The following MMP24 variants were observed in gnomAD, a reference collection of about 807,000 sequenced individuals.
The protein encoded by MMP24 is matrix metallopeptidase 24.
A neutral mutation model predicts 62.8 loss-of-function variants in MMP24; 25 were observed. The observed-to-expected ratio is 0.40, with a 90% CI of 0.29 to 0.56. MMP24 has a LOEUF of 0.56. Among genes scored for constraint, MMP24 ranks in the 20% least tolerant of loss-of-function variants. The probability of loss-of-function intolerance (pLI) is 0.50; values close to 1 mark genes in which losing one functional copy is unlikely to be tolerated. For missense variants in MMP24, 634 were observed against 853.6 expected (o/e 0.74, Z 3.21); for synonymous variants, 319 against 350.5 (o/e 0.91, Z 1.00).
At chr20:35,236,203 G>A (rs1194572613) in intron 1 of MMP24, 3 of 151,932 alleles carry the variant, frequency 2.0e-5, no homozygotes, top group Non-Finnish European at 4.4e-5. Flanking sequence ...TGTAAGTGAA[G>A]AAAAAAAACA....
intron 4 of MMP24, among the ~76,000 whole-genome samples, chr20:35,262,440 T>C (rs1197248841): frequency 6.6e-6 from 1 of 151,546 alleles, no homozygotes; most frequent in Non-Finnish European, 1.5e-5. Flanking sequence ...TGCTTTTAGA[T>C]ATGCATACAC....
intron 1 of MMP24, among the ~76,000 whole-genome samples, chr20:35,234,992 C>T (rs578120564): frequency 1.3e-5 from 2 of 152,208 alleles, no homozygotes; most frequent in South Asian, 4.1e-4. Context: ...GACTTTAAGA[C>T]TGGCAATGAG....
At chr20:35,231,696 G>C (rs2060438392) in intron 1 of MMP24, among the ~76,000 whole-genome samples, 1 of 152,136 alleles carries the variant, frequency 6.6e-6, no homozygotes, top group African/African-American at 2.4e-5. Flanking sequence ...GTGAGTAAAA[G>C]GAGACTCAAA....
chr20:35,237,210 G>C (rs1464455015), intron 1 of MMP24, among the ~76,000 whole-genome samples: 1 of 152,142 alleles, frequency 6.6e-6, no homozygotes, highest in Non-Finnish European at 1.5e-5. Context: ...TACATTTCTG[G>C]AGGTCAGAAG....
chr20:35,240,670 T>C (rs1183088959), intron 1 of MMP24, among the ~76,000 whole-genome samples: 1 of 152,190 alleles, frequency 6.6e-6, no homozygotes. Flanking sequence ...CAAGTGTTTT[T>C]TGAAACCTCT....
chr20:35,246,196 T>G (rs2060513685), intron 1 of MMP24, among the ~76,000 whole-genome samples: 1 of 151,762 alleles, frequency 6.6e-6, no homozygotes, highest in Admixed American at 6.6e-5. Flanking sequence ...GGCTCACGCC[T>G]GTAATCCCAC....
chr20:35,271,493 T>A lies in MMP24; in HGVS notation c.1334-76T>A. 1 of 1,533,646 alleles carries A rather than the reference T, an allele frequency of 6.5e-7. No individual in the cohort carries two copies. The highest frequency in any genetic ancestry group is 8.8e-7 in the Non-Finnish European group (1 of 1,135,376). On this transcript the variant is annotated intron_variant, in intron 7 of 8. Coordinates refer to ENST00000246186, the MANE Select transcript of MMP24 (RefSeq NM_006690.4). The surrounding 1 kb of genome is among the most constrained non-coding windows in gnomAD (Gnocchi z 4.0). ...AGGGGCTGAGGGCATCAGACTGTTT[T>A]CACCTGACACCCTGAAGATGGGCAA...
In MMP24 at chr20:35,246,829, G is replaced by A. The variant is rs953182879; in HGVS notation, c.247-11G>A. 10 of 1,612,912 alleles carry A rather than the reference G, an allele frequency of 6.2e-6. No individual in the cohort carries two copies. Among genetic ancestry groups the A allele is most frequent in the Middle Eastern group, 1.6e-4 (1 of 6,072 alleles). ...AGCATAACGCATCTTTTTCTTTCCC[G>A]TGTCTTTCAGAACTGGTTAAAGTCC... is the stretch of plus-strand genomic sequence containing the variant. On this transcript the variant is annotated splice_polypyrimidine_tract_variant and intron_variant, in intron 1 of 8. Transcript: ENST00000246186.
rs111278427 is a variant in MMP24 at position 35,246,400 on chromosome 20, C to T, written c.247-440C>T. On this transcript the variant is annotated intron_variant, in intron 1 of 8. Coordinates refer to ENST00000246186, the MANE Select transcript of MMP24 (RefSeq NM_006690.4). Reference sequence around the variant, plus strand: ...GCTGAGGCAGGAGAATCACTTGAACCCCGGAGGCGGAGGTTGCAGTGAGCT... The same window carrying T: ...GCTGAGGCAGGAGAATCACTTGAACTCCGGAGGCGGAGGTTGCAGTGAGCT... 2.6e-3 allele frequency among the ~76,000 whole-genome samples: 400 copies of T among 152,238 alleles called. 2 individuals are homozygous for T. The highest frequency in any genetic ancestry group is 8.0e-3 in the African/African-American group (331 of 41,544).
Position 35,276,493 on chromosome 20 carries a change from G to C in MMP24, c.*1884G>C. On this transcript the variant is annotated 3_prime_UTR_variant, in exon 9 of 9. Transcript: ENST00000246186. ...GGTTGTTACTTGCCCGGGCCATCCAGTGGGCTGGCTGGGTCTTGTGTCCCC... is the reference window on the plus strand; with the variant it reads ...GGTTGTTACTTGCCCGGGCCATCCACTGGGCTGGCTGGGTCTTGTGTCCCC... 2.5e-6 allele frequency: 1 copy of C among 393,280 alleles called. No homozygotes were observed. Among genetic ancestry groups the C allele is most frequent in the Non-Finnish European group, 4.5e-6 (1 of 222,844 alleles). 24.4% of individuals were successfully genotyped at this position (393,280 alleles called of 1,614,324 possible).
chr20:35,247,511 A>G (rs748977263), intron 2 of MMP24, among the ~76,000 whole-genome samples: 2 of 152,176 alleles, frequency 1.3e-5, no homozygotes, highest in East Asian at 3.8e-4. Context: ...GAAGGAAACA[A>G]TGAGTTTTGG....
chr20:35,272,698 G>C (rs2060677844), intron 8 of MMP24, among the ~76,000 whole-genome samples: 1 of 152,182 alleles, frequency 6.6e-6, no homozygotes, highest in South Asian at 2.1e-4. Flanking sequence ...AGGAGTGTTT[G>C]TTAAATAGAT....
In MMP24 at chr20:35,276,345, TAC is replaced by T; in HGVS notation, c.*1738_*1739del. On this transcript the variant is annotated 3_prime_UTR_variant, in exon 9 of 9. Transcript: ENST00000246186. ...GAGATATTAGTGATTCATAGGTTTG[TAC>T]AGTGTTTTATACTTTGCAAAGCACT... The T allele has an allele frequency of 5.0e-6, 2 of 399,060 alleles. No individual in the cohort carries two copies. The highest frequency in any genetic ancestry group is 8.8e-6 in the Non-Finnish European group (2 of 226,062). The allele number at this position is 399,060 out of a possible 1,614,324, so 24.7% of individuals were successfully genotyped here. A position where few individuals can be genotyped will look rare whatever the true frequency, so the allele number is the denominator to read the frequency against.
At chr20:35,267,487 A>ATT in intron 6 of MMP24, 68 bp downstream of exon 6, 1 of 1,444,606 alleles carries the variant, frequency 6.9e-7, no homozygotes, top group Non-Finnish European at 9.5e-7. Flanking sequence ...GACATCATGG[A>ATT]GCTGGGGAAG....
chr20:35,239,158 T>G (rs898459008), intron 1 of MMP24, among the ~76,000 whole-genome samples: 1 of 151,942 alleles, frequency 6.6e-6, no homozygotes, highest in African/African-American at 2.4e-5. Flanking sequence ...GCGATTCTCC[T>G]GCCTCAGCCT....
intron 5 of MMP24, among the ~76,000 whole-genome samples, chr20:35,266,351 CAA>C (rs3055615): frequency 0.22 from 12,200 of 55,844 alleles, 465 homozygotes; most frequent in African/African-American, 0.28. Context: ...GACTCCTTCT[CAA>C]AAAAAAAAAA....
intron 2 of MMP24, among the ~76,000 whole-genome samples, chr20:35,248,306 CT>C (rs11479770): frequency 0.027 from 3,715 of 136,644 alleles, 140 homozygotes; most frequent in African/African-American, 0.094. Context: ...TTCCCCCCCC[CT>C]TTTTTTTTTT....
chr20:35,270,011 C>G, intron 7 of MMP24, 113 bp downstream of exon 7: 2 of 1,336,764 alleles, frequency 1.5e-6, no homozygotes, highest in Non-Finnish European at 1.0e-6. Context: ...GAGGGCCCCT[C>G]TAGTCTAACG....
intron 4 of MMP24, among the ~76,000 whole-genome samples, chr20:35,256,992 A>G (rs1207167107): frequency 2.6e-5 from 4 of 152,090 alleles, no homozygotes; most frequent in East Asian, 3.9e-4. Flanking sequence ...GAGCTCAAAC[A>G]AGCTTGGGAA....
Sources: allele counts gnomAD v4.1 joint callset (sites outside exome capture counted in the v4.1 genomes callset), GRCh38; gene constraint gnomAD v4.1.1; non-coding constraint Gnocchi (gnomAD v3.1); transcripts MANE v1.5; gene names NCBI Gene and HGNC (gene_info 2026-07-23, HGNC 2026-07-21).